IL12RB1: variants seen among roughly 807,000 people sequenced by gnomAD.
The protein encoded by IL12RB1 is interleukin 12 receptor subunit beta 1.
IL12RB1 carries 64 observed loss-of-function variants against 94.4 expected under a neutral mutation model. The ratio of observed to expected loss-of-function variants is 0.68; its 90% CI spans 0.55 to 0.83. The LOEUF (loss-of-function observed/expected upper bound fraction) is 0.83. Ranked by LOEUF, IL12RB1 falls within the 40% of genes least tolerant of loss-of-function variation. IL12RB1 has a pLI of 0.00. For missense variants in IL12RB1, 814 were observed against 855.6 expected, an observed-to-expected ratio of 0.95 and a Z score of 0.61; for synonymous variants, 362 against 355.5, an observed-to-expected ratio of 1.02 and a Z score of -0.21.
In IL12RB1 at chr19:18,073,574, T is replaced by C. The variant is rs1393146752; in HGVS notation, c.726A>G (p.Arg242=). The C allele has an allele frequency of 2.5e-6, 4 of 1,612,680 alleles. No individual in the cohort carries two copies. The highest frequency in any genetic ancestry group is 3.4e-6 in the Non-Finnish European group (4 of 1,178,936). ...PPENPPQPQV[R]FSVEQLGQDG... is the part of the protein sequence containing the mutation. ...CCTGGCCCAGCTGCTCCACCGAGAA[T>C]CTCACCTGAGGCTGTGGGGGGTTTT... The change falls in exon 8 of 17, where the codon AGA becomes AGG. Residue 242 remains arginine, a synonymous_variant. Coordinates refer to ENST00000593993, the MANE Select transcript of IL12RB1 (RefSeq NM_005535.3).
rs1165048627 is a variant in IL12RB1 at position 18,076,317 on chromosome 19, CCG to C, written c.558_559del (p.Cys186TrpfsTer5). Reference sequence around the variant, plus strand: ...CTCACCAGTATCATCATCCTGAGGTCCGCAGTCGCCCTAGAATAAAAACATAT... The same window carrying C: ...CTCACCAGTATCATCATCCTGAGGTCCAGTCGCCCTAGAATAAAAACATAT... On this transcript the variant is annotated frameshift_variant, in exon 6 of 17. Coordinates refer to ENST00000593993, the MANE Select transcript of IL12RB1 (RefSeq NM_005535.3). LOFTEE classifies it high-confidence loss of function. 4.2e-6 allele frequency: 6 copies of C among 1,421,972 alleles called. No homozygotes were observed. Among genetic ancestry groups the C allele is most frequent in the Middle Eastern group, 1.7e-4 (1 of 5,720 alleles). 88.1% of individuals were successfully genotyped at this position (1,421,972 alleles called of 1,614,324 possible). A position where few individuals can be genotyped will look rare whatever the true frequency, so the allele number is the denominator to read the frequency against.
chr19:18,079,898 AAAAAAAG>A (rs2035767529), intron 4 of IL12RB1, among the ~76,000 whole-genome samples: 7 of 152,226 alleles, frequency 4.6e-5, no homozygotes, highest in African/African-American at 1.7e-4. Context: ...CTCCATCTCA[AAAAAAAG>A]AAAAAAGAAA....
chr19:18,097,730 C>CGGCGGGGCCTGGCAGGCCGG (rs1252573204), intron 1 of IL12RB1: 2 of 1,099,474 alleles, frequency 1.8e-6, no homozygotes, highest in African/African-American at 1.7e-5. Context: ...TGGCACCTGG[C>CGGCGGGGCCTGGCAGGCCGG]GGCGGGGCCT....
intron 9 of IL12RB1, chr19:18,070,627 C>G (rs2034958464): frequency 1.5e-6 from 1 of 656,484 alleles, no homozygotes; most frequent in African/African-American, 2.0e-5. Flanking sequence ...GAGAGCTTTA[C>G]AGGCACCATT....
At chr19:18,084,675 ATCCATCCATCCATCCATCCATC>A (rs1368990061) in intron 1 of IL12RB1, among the ~76,000 whole-genome samples, 10 of 151,910 alleles carry the variant, frequency 6.6e-5, no homozygotes, top group Non-Finnish European at 1.5e-4. Context: ...CCATCCATCC[ATCCATCCATCCATCCATCCATC>A]CATACATACA....
intron 13 of IL12RB1, 93 bp downstream of exon 13, chr19:18,063,783 A>G: frequency 2.6e-6 from 3 of 1,153,454 alleles, no homozygotes; most frequent in Non-Finnish European, 3.7e-6. Flanking sequence ...CCATAGAGGG[A>G]GTGAGAGTGA....
chr19:18,061,964 G>A (rs1156338758), intron 14 of IL12RB1, among the ~76,000 whole-genome samples: 3 of 152,194 alleles, frequency 2.0e-5, no homozygotes, highest in Non-Finnish European at 2.9e-5. Context: ...CGCTCTCAGC[G>A]GCTACTCTCC....
intron 11 of IL12RB1, among the ~76,000 whole-genome samples, chr19:18,067,885 G>C (rs1003419458): frequency 2.0e-5 from 3 of 152,002 alleles, no homozygotes; most frequent in African/African-American, 4.8e-5. Flanking sequence ...CTGTAGAGAC[G>C]GGGTCTTGCT....
At chr19:18,060,594 T>C (rs752184134) in intron 15 of IL12RB1, among the ~76,000 whole-genome samples, 12 of 152,004 alleles carry the variant, frequency 7.9e-5, no homozygotes, top group Non-Finnish European at 1.0e-4. Flanking sequence ...ACAGATGGTG[T>C]GGTTGACAGT....
At chr19:18,082,070 CGA>C in intron 3 of IL12RB1, 78 bp downstream of exon 3, 1 of 842,050 alleles carries the variant, frequency 1.2e-6, no homozygotes, top group Non-Finnish European at 2.0e-6. Context: ...ATCACGCATC[CGA>C]GAGTAGGGGC....
chr19:18,088,404 T>TATATATATATATAA (rs1038225227), upstream of IL12RB1, among the ~76,000 whole-genome samples: 33 of 137,792 alleles, frequency 2.4e-4, no homozygotes, highest in East Asian at 6.6e-4. Flanking sequence ...TATATATATA[T>TATATATATATATAA]AAATTAAAAG....
chr19:18,097,866 G>A, intron 1 of IL12RB1: 2 of 1,227,930 alleles, frequency 1.6e-6, no homozygotes, highest in Non-Finnish European at 1.0e-6. Context: ...GAAGGCAGAG[G>A]GCGCGGCCAA....
intron 12 of IL12RB1, among the ~76,000 whole-genome samples, chr19:18,065,098 C>G (rs2146144618): frequency 6.6e-6 from 1 of 152,246 alleles, no homozygotes; most frequent in South Asian, 2.1e-4. Flanking sequence ...TGGGGCGTCC[C>G]CACTCTGCAA....
chr19:18,064,078 A>G (rs2034374877), intron 12 of IL12RB1, 68 bp from the exon 13 acceptor site: 1 of 1,116,530 alleles, frequency 9.0e-7, no homozygotes, highest in Non-Finnish European at 1.4e-6. Context: ...CTGGGCTACC[A>G]CAGCCTGTGG....
intron 12 of IL12RB1, 34 bp downstream of exon 12, chr19:18,066,508 C>T (rs1242974929): frequency 6.6e-7 from 1 of 1,525,962 alleles, no homozygotes; most frequent in African/African-American, 1.4e-5. Context: ...ATCCTCCCTT[C>T]CTCCCCAAGC....
intron 1 of IL12RB1, among the ~76,000 whole-genome samples, chr19:18,083,899 TCATCCATCCACCCATCTATCCATC>T (rs1389320360): frequency 4.3e-5 from 6 of 140,250 alleles, no homozygotes; most frequent in Admixed American, 1.4e-4. Flanking sequence ...ATGTATTCAT[TCATCCATCCACCCATCTATCCATC>T]CATCCATCCA....
upstream of IL12RB1, among the ~76,000 whole-genome samples, chr19:18,087,823 T>G (rs2036440966): frequency 6.6e-6 from 1 of 151,858 alleles, no homozygotes; most frequent in South Asian, 2.1e-4. Flanking sequence ...CACCGGGCCA[T>G]CTCGCCAGCT....
At chr19:18,093,539 C>T (rs1298170127) in intron 1 of IL12RB1, among the ~76,000 whole-genome samples, 1 of 152,038 alleles carries the variant, frequency 6.6e-6, no homozygotes, top group African/African-American at 2.4e-5. Context: ...GTGGCTCTCT[C>T]CAGCATGTTC....
At chr19:18,089,566 A>G (rs2036539867), upstream of IL12RB1, among the ~76,000 whole-genome samples, 1 of 150,936 alleles carries the variant, frequency 6.6e-6, no homozygotes, top group Non-Finnish European at 1.5e-5. Context: ...CAGAGGTTGC[A>G]GTGAGCCGAG....
Sources: gnomAD v4.1 joint callset for allele counts (sites outside exome capture counted in the v4.1 genomes callset) on GRCh38, gnomAD v4.1.1 for gene constraint, MANE v1.5 for transcripts, NCBI Gene and HGNC (gene_info 2026-07-23, HGNC 2026-07-21) for gene names.